Variants in EXOC2 observed in about 807,000 individuals in gnomAD.
EXOC2 encodes exocyst complex component 2.
In EXOC2, 70 loss-of-function variants were observed where a neutral mutation model predicts 131.8. The ratio of observed to expected loss-of-function variants is 0.53; its 90% CI spans 0.44 to 0.65. EXOC2 has a LOEUF of 0.65. Among genes scored for constraint, EXOC2 ranks in the 30% least tolerant of loss-of-function variants. The pLI is 0.00. For synonymous variants in EXOC2, 411 were observed against 398.4 expected (o/e 1.03, Z -0.38); for missense variants, 923 against 1,108.6 (o/e 0.83, Z 2.38).
intron 27 of EXOC2, 105 bp downstream of exon 27, chr6:488,871 ATTC>A: frequency 8.5e-7 from 1 of 1,182,990 alleles, no homozygotes. Context: ...TCTTATTTGG[ATTC>A]TGCTCTTCCT....
At chr6:619,398 C>G in intron 5 of EXOC2, 32 bp downstream of exon 5, 1 of 1,535,910 alleles carries the variant, frequency 6.5e-7, no homozygotes, top group Non-Finnish European at 9.0e-7. Flanking sequence ...TGAGTGAAAC[C>G]CTTCACAGTT....
At chr6:682,248 G>A (rs1319045870) in intron 1 of EXOC2, among the ~76,000 whole-genome samples, 1 of 142,482 alleles carries the variant, frequency 7.0e-6, no homozygotes, top group Non-Finnish European at 1.5e-5. Context: ...CACCCATGCT[G>A]GAGTGCAGTG....
chr6:523,201 T>A (rs1765569762), intron 23 of EXOC2, among the ~76,000 whole-genome samples: 1 of 152,214 alleles, frequency 6.6e-6, no homozygotes, highest in Admixed American at 6.5e-5. Flanking sequence ...CAAGGGGGTG[T>A]GTCCAAGTGC....
intron 25 of EXOC2, among the ~76,000 whole-genome samples, chr6:496,610 G>A (rs1434362350): frequency 6.6e-6 from 1 of 152,046 alleles, no homozygotes; most frequent in East Asian, 1.9e-4. Context: ...CCTGGCTTTA[G>A]GTTAAAATCC....
In EXOC2 at chr6:485,483, A is replaced by AC. The variant is rs572542146; in HGVS notation, c.*1187_*1188insG. The AC allele has an allele frequency of 6.6e-6, 1 of 152,316 alleles. No individual in the cohort carries two copies. The highest frequency in any genetic ancestry group is 1.9e-4 in the East Asian group (1 of 5,192). 9.4% of individuals were successfully genotyped at this position (152,316 alleles called of 1,614,324 possible). Reference sequence around the variant, plus strand: ...TTTTAGCATTTAAAAAAAGAGATTTAAAAATAACCATAGAAAAACTTGAAA... The same window carrying AC: ...TTTTAGCATTTAAAAAAAGAGATTTACAAAATAACCATAGAAAAACTTGAAA... On this transcript the variant is annotated 3_prime_UTR_variant, in exon 28 of 28. Transcript: ENST00000230449.
At chr6:540,163 C>T (rs1209593484) in intron 22 of EXOC2, among the ~76,000 whole-genome samples, 1 of 152,148 alleles carries the variant, frequency 6.6e-6, no homozygotes, top group African/African-American at 2.4e-5. Context: ...CCATGTTGGC[C>T]AGGCTCGTCT....
intron 25 of EXOC2, among the ~76,000 whole-genome samples, chr6:491,453 A>G (rs886606514): frequency 6.6e-6 from 1 of 152,214 alleles, no homozygotes; most frequent in Non-Finnish European, 1.5e-5. Flanking sequence ...AAAAGTACAA[A>G]CTGTGTCATG....
At chr6:675,462 A>G (rs1358981305) in intron 1 of EXOC2, among the ~76,000 whole-genome samples, 5 of 152,250 alleles carry the variant, frequency 3.3e-5, no homozygotes, top group African/African-American at 4.8e-5. Context: ...CGTGTTCTCC[A>G]TTCTAAAAGA....
chr6:580,032 G>C (rs148758856), intron 11 of EXOC2, among the ~76,000 whole-genome samples: 2 of 142,042 alleles, frequency 1.4e-5, no homozygotes, highest in African/African-American at 5.2e-5. Context: ...TATGGTGGCC[G>C]GGTGCAGTTT....
intron 10 of EXOC2, among the ~76,000 whole-genome samples, chr6:596,155 T>C (rs1759808325): frequency 1.3e-5 from 2 of 151,856 alleles, no homozygotes; most frequent in Non-Finnish European, 2.9e-5. Flanking sequence ...GCTGCACACG[T>C]GCAGGGGTGG....
intron 13 of EXOC2, among the ~76,000 whole-genome samples, chr6:570,234 C>CACCAT (rs1561869792): frequency 5.0e-4 from 7 of 13,908 alleles, no homozygotes; most frequent in South Asian, 3.5e-3. Context: ...CCCGGGTTCA[C>CACCAT]GCCATTCTCC....
chr6:523,745 G>A (rs538510126), intron 23 of EXOC2, among the ~76,000 whole-genome samples: 2 of 152,314 alleles, frequency 1.3e-5, no homozygotes, highest in African/African-American at 2.4e-5. Context: ...GTGCAGTGGT[G>A]CAATCATAGC....
intron 21 of EXOC2, among the ~76,000 whole-genome samples, chr6:549,963 C>T (rs1340725190): frequency 6.6e-6 from 1 of 152,206 alleles, no homozygotes; most frequent in African/African-American, 2.4e-5. Flanking sequence ...GGGTTCTGTC[C>T]ACCTAAAGTA....
intron 13 of EXOC2, among the ~76,000 whole-genome samples, chr6:566,475 C>T (rs957164699): frequency 7.2e-5 from 11 of 152,170 alleles, no homozygotes; most frequent in South Asian, 2.1e-4. Flanking sequence ...AGGAGGCATG[C>T]GCAGAGGGAC....
intron 1 of EXOC2, among the ~76,000 whole-genome samples, chr6:682,817 A>G (rs1764473302): frequency 6.6e-6 from 1 of 152,206 alleles, no homozygotes; most frequent in African/African-American, 2.4e-5. Context: ...TGATGGTTGT[A>G]CAACTTTGTG....
intron 5 of EXOC2, among the ~76,000 whole-genome samples, chr6:619,175 C>A (rs932391594): frequency 3.3e-5 from 5 of 152,140 alleles, no homozygotes; most frequent in African/African-American, 9.7e-5. Context: ...TTTTTAATAA[C>A]CTGCATCAAT....
chr6:486,664 C>CAGAT lies in EXOC2; in HGVS notation c.*3_*6dup. The CAGAT allele has an allele frequency of 1.2e-6, 2 of 1,612,384 alleles. No homozygotes were observed. The highest frequency in any genetic ancestry group is 2.7e-5 in the African/African-American group (2 of 74,990). ...ATTTTCCTGGACTTCTTTTATGTGG[C>CAGAT]AGATATTTATGTTTTCATCATGGTT... On this transcript the variant is annotated 3_prime_UTR_variant, in exon 28 of 28. Transcript: ENST00000230449.
chr6:617,908 A>G, intron 5 of EXOC2, 73 bp from the exon 6 acceptor site: 1 of 1,532,240 alleles, frequency 6.5e-7, no homozygotes, highest in Admixed American at 1.9e-5. Context: ...CCTTCAGTGG[A>G]GAACACTAAA....
intron 11 of EXOC2, among the ~76,000 whole-genome samples, chr6:584,996 G>A (rs1199883606): frequency 6.6e-6 from 1 of 152,206 alleles, no homozygotes; most frequent in Non-Finnish European, 1.5e-5. Flanking sequence ...TTCCTGGCAG[G>A]AAACCTCTGA....
Sources: allele counts gnomAD v4.1 joint callset (sites outside exome capture counted in the v4.1 genomes callset), GRCh38; gene constraint gnomAD v4.1.1; transcripts MANE v1.5; gene names NCBI Gene and HGNC (gene_info 2026-07-23, HGNC 2026-07-21).